KLF8: variants seen among roughly 807,000 people sequenced by gnomAD.
The protein encoded by KLF8 is KLF transcription factor 8, also known as Krueppel-like factor 8.
Under a neutral mutation model 18.2 loss-of-function variants are expected in KLF8, and 10 were observed. The ratio of observed to expected loss-of-function variants is 0.55; its 90% confidence interval spans 0.34 to 0.93. The LOEUF (loss-of-function observed/expected upper bound fraction) is 0.93. Among genes scored for constraint, KLF8 ranks in the 40% least tolerant of loss-of-function variants. The probability of loss-of-function intolerance (pLI) is 0.02; values close to 1 mark genes in which losing one functional copy is unlikely to be tolerated. For missense variants in KLF8, 264 were observed against 277.9 expected, an observed-to-expected ratio of 0.95 and a Z score of 0.36; for synonymous variants, 109 against 97.3, an observed-to-expected ratio of 1.12 and a Z score of -0.71.
At chrX:56,114,392 C>T in the KLF8 span, among the ~76,000 whole-genome samples, 1 of 112,994 alleles carries the variant, frequency 8.9e-6, no homozygotes, top group Non-Finnish European at 1.9e-5. Flanking sequence ...TTAGATATCG[C>T]TCTGCTGCGA....
the KLF8 span, among the ~76,000 whole-genome samples, chrX:56,202,245 T>C: frequency 9.0e-6 from 1 of 110,820 alleles, no homozygotes; most frequent in Non-Finnish European, 1.9e-5. Flanking sequence ...TTGATCTGTC[T>C]TTTTGGTTTG....
At chrX:56,208,282 T>C in the KLF8 span, among the ~76,000 whole-genome samples, 30 of 112,275 alleles carry the variant, frequency 2.7e-4, no homozygotes, top group African/African-American at 9.7e-4. Context: ...TTGCTCATAA[T>C]AGCCACTAAT....
chrX:56,099,729 A>G, the KLF8 span, among the ~76,000 whole-genome samples: 1 of 112,117 alleles, frequency 8.9e-6, no homozygotes, highest in African/African-American at 3.2e-5. Context: ...ACATTCCTTT[A>G]TGCCAAGGTC....
the KLF8 span, among the ~76,000 whole-genome samples, chrX:56,034,047 T>G: frequency 8.9e-6 from 1 of 112,433 alleles, no homozygotes; most frequent in Non-Finnish European, 1.9e-5. Flanking sequence ...TTTTTGTTCG[T>G]GTTGCCTAAG....
chrX:56,134,134 C>A, the KLF8 span, among the ~76,000 whole-genome samples: 1 of 111,180 alleles, frequency 9.0e-6, no homozygotes, highest in Admixed American at 9.6e-5. Context: ...AAAAATGCCA[C>A]CACTATTCTT....
the KLF8 span, among the ~76,000 whole-genome samples, chrX:56,144,007 G>A: frequency 9.0e-6 from 1 of 111,339 alleles, no homozygotes; most frequent in African/African-American, 3.3e-5. Context: ...CAACAAAAAG[G>A]GATTTCGTTC....
chrX:56,209,686 GT>G, the KLF8 span, among the ~76,000 whole-genome samples: 2 of 111,146 alleles, frequency 1.8e-5, no homozygotes, highest in Non-Finnish European at 3.8e-5. Context: ...TTTCTGTTTT[GT>G]TTTTGTTTTT....
At chrX:56,174,318 T>C in the KLF8 span, among the ~76,000 whole-genome samples, 1 of 112,010 alleles carries the variant, frequency 8.9e-6, no homozygotes, top group Admixed American at 9.6e-5. Flanking sequence ...ATTGTTGAAT[T>C]TTGTCAAAGG....
chrX:56,052,394 G>T, the KLF8 span, among the ~76,000 whole-genome samples: 1 of 111,830 alleles, frequency 8.9e-6, no homozygotes, highest in Non-Finnish European at 1.9e-5. Flanking sequence ...CCCCATCTTT[G>T]TGGTTTTATC....
the KLF8 span, among the ~76,000 whole-genome samples, chrX:56,020,049 T>C: frequency 8.9e-6 from 1 of 111,902 alleles, no homozygotes; most frequent in African/African-American, 3.2e-5. Context: ...TATTGATGTG[T>C]CGTGGCATCT....
the KLF8 span, among the ~76,000 whole-genome samples, chrX:56,197,840 T>C: frequency 3.6e-5 from 4 of 111,845 alleles, no homozygotes; most frequent in African/African-American, 1.3e-4. Flanking sequence ...AAATCCTCAA[T>C]AAAATACTGG....
At chrX:56,043,166 G>A in the KLF8 span, among the ~76,000 whole-genome samples, 1 of 110,852 alleles carries the variant, frequency 9.0e-6, no homozygotes, top group Non-Finnish European at 1.9e-5. Flanking sequence ...CAGCTTGTAG[G>A]GTTTCCACTG....
At chrX:56,141,524 A>G in the KLF8 span, among the ~76,000 whole-genome samples, 2 of 111,679 alleles carry the variant, frequency 1.8e-5, no homozygotes, top group East Asian at 5.6e-4. Context: ...CACCACATTT[A>G]TCAAATACAA....
chrX:56,001,127 G>A, the KLF8 span, among the ~76,000 whole-genome samples: 8 of 111,978 alleles, frequency 7.1e-5, no homozygotes, highest in Admixed American at 1.9e-4. Context: ...TCTGGAAATG[G>A]CCACCGCTAT....
the KLF8 span, among the ~76,000 whole-genome samples, chrX:55,993,633 G>A: frequency 1.1e-4 from 12 of 112,063 alleles, no homozygotes; most frequent in Non-Finnish European, 2.3e-4. Flanking sequence ...TGGTAGGGAG[G>A]AGTCCTTCCT....
At chrX:56,016,247 T>G in the KLF8 span, among the ~76,000 whole-genome samples, 1 of 112,109 alleles carries the variant, frequency 8.9e-6, no homozygotes, top group East Asian at 2.8e-4. Context: ...TATAAGGTAA[T>G]GTATGTGAAG....
chrX:55,991,158 G>A, the KLF8 span, among the ~76,000 whole-genome samples: 2 of 112,241 alleles, frequency 1.8e-5, no homozygotes, highest in Non-Finnish European at 3.8e-5. Flanking sequence ...CCATCCATTT[G>A]GAGCTTCCTG....
At chrX:56,078,119 G>T in the KLF8 span, among the ~76,000 whole-genome samples, 20 of 111,475 alleles carry the variant, frequency 1.8e-4, no homozygotes, top group African/African-American at 5.9e-4. Context: ...TTTTCCTAAT[G>T]GAATTCCCTT....
At chrX:56,161,506 A>G in the KLF8 span, among the ~76,000 whole-genome samples, 3 of 110,883 alleles carry the variant, frequency 2.7e-5, no homozygotes, top group Non-Finnish European at 3.8e-5. Flanking sequence ...TTCTCACTTC[A>G]TTTCATTCAT....
Sources: allele counts gnomAD v4.1 joint callset (sites outside exome capture counted in the v4.1 genomes callset), GRCh38; gene constraint gnomAD v4.1.1; transcripts MANE v1.5; gene names NCBI Gene and HGNC (gene_info 2026-07-23, HGNC 2026-07-21).